Variants in SYNE2 observed in about 807,000 individuals in gnomAD.
SYNE2 encodes the protein nesprin-2.
A neutral mutation model predicts 856.3 loss-of-function variants in SYNE2; 431 were observed. The observed-to-expected ratio is 0.50, with a 90% CI of 0.47 to 0.55. The LOEUF (loss-of-function observed/expected upper bound fraction) is 0.55, where lower values mean the gene tolerates loss of function less well. Among genes scored for constraint, SYNE2 ranks in the 20% least tolerant of loss-of-function variants. The pLI is 0.00. For missense variants in SYNE2, 8,129 were observed against 8,023.2 expected (o/e 1.01, Z -0.50); for synonymous variants, 2,923 against 2,872.3 (o/e 1.02, Z -0.56).
intron 11 of SYNE2, among the ~76,000 whole-genome samples, chr14:63,975,829 C>G (rs2096537953): frequency 6.6e-6 from 1 of 152,216 alleles, no homozygotes; most frequent in Non-Finnish European, 1.5e-5. Context: ...ATCTTTATCT[C>G]CAGCTCTTAG....
At chr14:63,920,797 G>A (rs2095590961) in intron 2 of SYNE2, among the ~76,000 whole-genome samples, 1 of 151,990 alleles carries the variant, frequency 6.6e-6, no homozygotes, top group African/African-American at 2.4e-5. Flanking sequence ...TATGGGAGAA[G>A]GAGAGGGAAG....
chr14:64,072,748 G>A (rs1031832884), intron 52 of SYNE2, among the ~76,000 whole-genome samples: 1 of 152,112 alleles, frequency 6.6e-6, no homozygotes, highest in African/African-American at 2.4e-5. Flanking sequence ...TCATCTGCCC[G>A]CCTCGGCCTC....
chr14:63,779,771 C>T (rs534688812), intron 1 of SYNE2, among the ~76,000 whole-genome samples: 3 of 152,098 alleles, frequency 2.0e-5, no homozygotes, highest in East Asian at 1.9e-4. Context: ...ATTAGCCAGG[C>T]GTGGTGCCAC....
At chr14:64,206,061 T>C (rs2098603844) in intron 100 of SYNE2, among the ~76,000 whole-genome samples, 1 of 152,174 alleles carries the variant, frequency 6.6e-6, no homozygotes. Flanking sequence ...GTTTTTCTTC[T>C]CCTCAGCCAC....
chr14:64,017,123 G>T (rs1037863529), intron 33 of SYNE2, among the ~76,000 whole-genome samples: 12 of 151,698 alleles, frequency 7.9e-5, no homozygotes, highest in African/African-American at 2.9e-4. Context: ...TGAGGTCAGG[G>T]GTTTGAGACC....
intron 104 of SYNE2, among the ~76,000 whole-genome samples, chr14:64,212,417 G>T (rs1324503298): frequency 6.6e-6 from 1 of 152,174 alleles, no homozygotes; most frequent in African/African-American, 2.4e-5. Context: ...ATGGAAATTT[G>T]CCTTCCCTAG....
intron 54 of SYNE2, among the ~76,000 whole-genome samples, chr14:64,076,998 A>G (rs922270198): frequency 6.6e-6 from 1 of 152,162 alleles, no homozygotes; most frequent in Non-Finnish European, 1.5e-5. Context: ...TATTTCAGGA[A>G]AATACTAAAT....
In SYNE2 at chr14:63,983,751, A is replaced by G. The variant is rs1277454250; in HGVS notation, c.2016A>G (p.Pro672=). 27 of 1,612,628 alleles carry G rather than the reference A, an allele frequency of 1.7e-5. No individual in the cohort carries two copies. Among genetic ancestry groups the G allele is most frequent in the South Asian group, 9.9e-5 (9 of 90,966 alleles). ...ATTTTGTATAGGAAATGAACCTGCCACTGATGATAAAAAAACAGGATCAGC... is the reference window on the plus strand; with the variant it reads ...ATTTTGTATAGGAAATGAACCTGCCGCTGATGATAAAAAAACAGGATCAGC... ...VSKTQLEMNL[P]LMIKKQDQPT... is the part of the protein sequence containing the mutation. The change falls in exon 18 of 116, where the codon CCA becomes CCG. Residue 672 remains proline (P), a synonymous_variant. Transcript: ENST00000555002.
intron 2 of SYNE2, among the ~76,000 whole-genome samples, chr14:63,938,962 TTGCATGTGTGCATGTGAGTGTC>T (rs2095866405): frequency 6.6e-6 from 1 of 152,052 alleles, no homozygotes; most frequent in African/African-American, 2.4e-5. Flanking sequence ...ATGTGTGCGC[TTGCATGTGTGCATGTGAGTGTC>T]TGCATGTGTG....
intron 99 of SYNE2, chr14:64,202,414 C>A: frequency 3.1e-6 from 2 of 643,396 alleles, no homozygotes; most frequent in South Asian, 1.8e-5. Context: ...GGCATACCCA[C>A]GGCAGAAACT....
intron 1 of SYNE2, among the ~76,000 whole-genome samples, chr14:63,857,674 C>T (rs944183747): frequency 6.6e-6 from 1 of 152,096 alleles, no homozygotes; most frequent in South Asian, 2.1e-4. Context: ...GTAGTGACAC[C>T]TCATTGTGGT....
intron 60 of SYNE2, among the ~76,000 whole-genome samples, chr14:64,093,128 G>T (rs1365243997): frequency 6.6e-6 from 1 of 152,076 alleles, no homozygotes; most frequent in Non-Finnish European, 1.5e-5. Context: ...TGTACTTTAA[G>T]CACTGCCCAA....
At chr14:63,881,111 G>T (rs2094852870) in intron 1 of SYNE2, among the ~76,000 whole-genome samples, 1 of 151,510 alleles carries the variant, frequency 6.6e-6, no homozygotes, top group African/African-American at 2.4e-5. Context: ...GCCTCCCAAA[G>T]TGCTGGGATT....
intron 66 of SYNE2, among the ~76,000 whole-genome samples, chr14:64,118,888 A>C (rs865789024): frequency 3.3e-5 from 5 of 151,972 alleles, no homozygotes; most frequent in Middle Eastern, 3.4e-3. Context: ...AAGATTAGGA[A>C]GGTAGGGGGA....
At chr14:64,077,329 T>C (rs1355638699) in intron 54 of SYNE2, among the ~76,000 whole-genome samples, 1 of 152,214 alleles carries the variant, frequency 6.6e-6, no homozygotes, top group Non-Finnish European at 1.5e-5. Context: ...AAAACTTTTC[T>C]TGTGGTAATT....
In SYNE2 at chr14:63,995,074, C is replaced by A; in HGVS notation, c.2812C>A (p.Gln938Lys). 1 of 1,566,010 alleles carries A rather than the reference C, an allele frequency of 6.4e-7. No homozygotes were observed. The highest frequency in any genetic ancestry group is 1.2e-5 in the South Asian group (1 of 86,838). ...SLHHELSLYV[Q>K]QLKIDIEKGK... ...TCATCATGAACTGTCTTTATATGTT[C>A]AACAACTAAAAATAGATATTGAAAA... The change falls in exon 23 of 116, where the codon CAA becomes AAA. Residue 938 changes from glutamine (Q) to lysine (K), a missense_variant. Gln to Lys is a moderately conservative substitution (Grantham distance 53, BLOSUM62 1). This residue lies in a region of SYNE2 where 2,422 missense variants were observed against 2,357.4 expected (regional missense o/e 1.03). Transcript: ENST00000555002.
Position 64,165,428 on chromosome 14 carries a change from C to T in SYNE2, c.16605+18C>T, listed in dbSNP as rs1011557691. 4.3e-6 allele frequency: 7 copies of T among 1,612,354 alleles called. No homozygotes were observed. Among genetic ancestry groups the T allele is most frequent in the Non-Finnish European group, 5.9e-6 (7 of 1,179,324 alleles). On this transcript the variant is annotated intron_variant, in intron 90 of 115. Coordinates refer to ENST00000555002, the MANE Select transcript of SYNE2 (RefSeq NM_182914.3). ...CATTCCTGGTATTGCCAATATTTGT[C>T]TTTTCTAAGGGCTTAGACTCACCAT...
intron 1 of SYNE2, among the ~76,000 whole-genome samples, chr14:63,807,098 C>T (rs533895835): frequency 6.6e-6 from 1 of 152,088 alleles, no homozygotes; most frequent in East Asian, 1.9e-4. Context: ...CCAAGGTGGG[C>T]AATTGCTTGA....
chr14:63,883,102 A>G (rs919324050), intron 1 of SYNE2, among the ~76,000 whole-genome samples: 4 of 151,964 alleles, frequency 2.6e-5, no homozygotes, highest in African/African-American at 9.7e-5. Context: ...TCTGTCGCCC[A>G]GGCTGGAGTG....
Sources: allele counts gnomAD v4.1 joint callset (sites outside exome capture counted in the v4.1 genomes callset), GRCh38; gene constraint gnomAD v4.1.1; regional missense constraint gnomAD v4.1.1; transcripts MANE v1.5; gene names NCBI Gene and HGNC (gene_info 2026-07-23, HGNC 2026-07-21).